Variants in SLC5A11 observed in about 807,000 individuals in gnomAD.
The protein encoded by SLC5A11 is sodium/myo-inositol cotransporter 2.
SLC5A11 carries 48 observed loss-of-function variants against 69.8 expected under a neutral mutation model. That is an observed-to-expected ratio of 0.69 (90% CI 0.55 to 0.87). SLC5A11 has a LOEUF of 0.87. Ranked by LOEUF, SLC5A11 falls within the 40% of genes least tolerant of loss-of-function variation. The pLI is 0.00. For synonymous variants in SLC5A11, 319 were observed against 342.4 expected, an observed-to-expected ratio of 0.93 and a Z score of 0.75; for missense variants, 784 against 866.1, an observed-to-expected ratio of 0.91 and a Z score of 1.19.
chr16:24,897,542 AC>A (rs2049269112), intron 9 of SLC5A11, among the ~76,000 whole-genome samples: 1 of 152,134 alleles, frequency 6.6e-6, no homozygotes, highest in East Asian at 1.9e-4. Flanking sequence ...GAGGCTACAC[AC>A]CCCGTTTGCC....
intron 1 of SLC5A11, among the ~76,000 whole-genome samples, chr16:24,854,730 C>T (rs1355344495): frequency 6.6e-6 from 1 of 152,116 alleles, no homozygotes; most frequent in Non-Finnish European, 1.5e-5. Flanking sequence ...CTGTGCCCAG[C>T]CTCCTCCCCT....
chr16:24,877,134 G>A, intron 6 of SLC5A11, 124 bp from the exon 8 acceptor site: 7 of 1,526,602 alleles, frequency 4.6e-6, no homozygotes, highest in South Asian at 1.3e-5. Context: ...AAGGGATGAC[G>A]TATGACTCTT....
At chr16:24,877,170 G>A in intron 6 of SLC5A11, 88 bp from the exon 8 acceptor site, 1 of 1,570,406 alleles carries the variant, frequency 6.4e-7, no homozygotes, top group Admixed American at 1.7e-5. Flanking sequence ...TCTAGGCTAG[G>A]CCCTGATCCC....
intron 3 of SLC5A11, among the ~76,000 whole-genome samples, chr16:24,865,489 G>A (rs1381929095): frequency 3.9e-5 from 6 of 152,068 alleles, no homozygotes; most frequent in East Asian, 3.9e-4. Flanking sequence ...CCTGGGAGGC[G>A]GAGGTTGCAG....
chr16:24,895,962 A>G (rs963674720), intron 9 of SLC5A11, among the ~76,000 whole-genome samples: 3 of 151,934 alleles, frequency 2.0e-5, no homozygotes, highest in African/African-American at 7.3e-5. Context: ...GCAAGTCTTA[A>G]CCTCACTACA....
At chr16:24,851,377 T>A (rs1388355014) in intron 1 of SLC5A11, among the ~76,000 whole-genome samples, 1 of 151,248 alleles carries the variant, frequency 6.6e-6, no homozygotes, top group African/African-American at 2.4e-5. Context: ...AAAAAAAAAA[T>A]TAGCCGGACG....
chr16:24,866,461 C>T (rs550377979), intron 3 of SLC5A11, among the ~76,000 whole-genome samples: 1 of 151,576 alleles, frequency 6.6e-6, no homozygotes, highest in African/African-American at 2.4e-5. Context: ...GCCTGTAGTC[C>T]CAGCTACTCA....
intron 1 of SLC5A11, among the ~76,000 whole-genome samples, chr16:24,849,593 A>AAAAAAAAAAAT: frequency 2.2e-4 from 8 of 35,922 alleles, no homozygotes; most frequent in African/African-American, 6.4e-4. Flanking sequence ...AAAAAAAAAA[A>AAAAAAAAAAAT]ATATATATAT....
chr16:24,864,402 G>A (rs747534539), intron 3 of SLC5A11, among the ~76,000 whole-genome samples: 7 of 152,312 alleles, frequency 4.6e-5, no homozygotes, highest in African/African-American at 1.7e-4. Flanking sequence ...GGCCACACAT[G>A]ATAAAGAATT....
intron 7 of SLC5A11, among the ~76,000 whole-genome samples, chr16:24,877,603 A>G (rs530760471): frequency 2.6e-5 from 4 of 152,150 alleles, no homozygotes; most frequent in South Asian, 2.1e-4. Flanking sequence ...TAATCCCAGC[A>G]CTTTGGGAAG....
At chr16:24,869,920 C>T (rs1483063618) in exon 4 of SLC5A11, 1 of 1,613,986 alleles carries the variant, frequency 6.2e-7, no homozygotes. Context: ...TCCTTGTTTG[C>T]CAGCAATGTT....
At chr16:24,870,872 G>A (rs994203608) in intron 4 of SLC5A11, among the ~76,000 whole-genome samples, 1 of 151,296 alleles carries the variant, frequency 6.6e-6, no homozygotes, top group Admixed American at 6.6e-5. Flanking sequence ...GAAGACTGAA[G>A]CGTATTTCTG....
intron 7 of SLC5A11, among the ~76,000 whole-genome samples, chr16:24,883,843 A>C (rs539883812): frequency 2.6e-5 from 4 of 152,362 alleles, no homozygotes; most frequent in Middle Eastern, 3.4e-3. Flanking sequence ...AAGCGGAGAA[A>C]TCAACTTCAC....
intron 9 of SLC5A11, among the ~76,000 whole-genome samples, chr16:24,895,554 G>A (rs2049099825): frequency 6.9e-6 from 1 of 144,932 alleles, no homozygotes; most frequent in Non-Finnish European, 1.5e-5. Flanking sequence ...AGAAAGGAGA[G>A]GACAGGAGAG....
chr16:24,877,598 C>T (rs1396504344), intron 7 of SLC5A11, among the ~76,000 whole-genome samples: 2 of 152,160 alleles, frequency 1.3e-5, no homozygotes, highest in Non-Finnish European at 1.5e-5. Flanking sequence ...GCCCGTAATC[C>T]CAGCACTTTG....
chr16:24,877,098 C>G (rs756268588), intron 6 of SLC5A11, 160 bp from the exon 8 acceptor site: 25 of 1,488,054 alleles, frequency 1.7e-5, no homozygotes, highest in South Asian at 2.7e-5. Flanking sequence ...GCTGAAGACC[C>G]CTGATCTGGG....
chr16:24,877,130 T>C, intron 6 of SLC5A11, 128 bp from the exon 8 acceptor site: 1 of 1,512,752 alleles, frequency 6.6e-7, no homozygotes, highest in Non-Finnish European at 8.9e-7. Context: ...TAACAAGGGA[T>C]GACGTATGAC....
At chr16:24,877,123 C>CA (rs2047726261) in intron 6 of SLC5A11, 135 bp from the exon 8 acceptor site, 1 of 1,507,594 alleles carries the variant, frequency 6.6e-7, no homozygotes. Context: ...AGTGGATTAA[C>CA]AAGGGATGAC....
chr16:24,883,975 C>T, intron 7 of SLC5A11, 76 bp from the exon 9 acceptor site: 2 of 1,392,080 alleles, frequency 1.4e-6, no homozygotes, highest in Non-Finnish European at 2.0e-6. Context: ...CCTGGCCTTC[C>T]AGGTTCCCTT....
Sources: allele counts gnomAD v4.1 joint callset (sites outside exome capture counted in the v4.1 genomes callset), GRCh38; gene constraint gnomAD v4.1.1; transcripts MANE v1.5; gene names NCBI Gene and HGNC (gene_info 2026-07-23, HGNC 2026-07-21).